Variants in AVPR2 observed in about 807,000 individuals in gnomAD.
The protein encoded by AVPR2 is vasopressin V2 receptor.
AVPR2 carries 3 observed loss-of-function variants against 12.0 expected under a neutral mutation model. The observed-to-expected ratio is 0.25, with a 90% CI of 0.11 to 0.64. AVPR2 has a LOEUF of 0.64. Ranked by LOEUF, AVPR2 falls within the 30% of genes least tolerant of loss-of-function variation. The pLI is 0.84. For missense variants in AVPR2, 279 were observed against 347.9 expected, an observed-to-expected ratio of 0.80 and a Z score of 1.58; for synonymous variants, 143 against 147.5, an observed-to-expected ratio of 0.97 and a Z score of 0.22.
At chrX:153,903,983 A>T (rs73640839), upstream of AVPR2, among the ~76,000 whole-genome samples, 928 of 110,331 alleles carry the variant, frequency 8.4e-3, 10 homozygotes, top group African/African-American at 0.03. Flanking sequence ...AGGTGCGTCC[A>T]TACTCATGGT....
chrX:153,904,562 C>T (rs781982808), upstream of AVPR2, among the ~76,000 whole-genome samples: 3 of 110,962 alleles, frequency 2.7e-5, no homozygotes, highest in Non-Finnish European at 5.7e-5. Flanking sequence ...AGGAGGGAGT[C>T]CTGGGCCGGG....
chrX:153,904,138 G>C (rs1258837341), upstream of AVPR2, among the ~76,000 whole-genome samples: 1 of 112,495 alleles, frequency 8.9e-6, no homozygotes, highest in Admixed American at 9.3e-5. Flanking sequence ...GTTGCAGGTG[G>C]GGCAGGAGGA....
upstream of AVPR2, among the ~76,000 whole-genome samples, chrX:153,904,340 A>G (rs2064948962): frequency 8.9e-6 from 1 of 112,716 alleles, no homozygotes; most frequent in Non-Finnish European, 1.9e-5. Context: ...CCCAGCGAGG[A>G]GCAGGAGGAC....
rs1002078817 is a variant in AVPR2, at chrX:153,906,879, C to T, written c.*151C>T. On this transcript the variant is annotated 3_prime_UTR_variant, in exon 4 of 4. Transcript: ENST00000646375. ...GGACACTGTGTGGCCCTGGACAAGC[C>T]ACAGCCCCTGCCTGGGTCTCCACAT... 1.6e-6 allele frequency: 1 copy of T among 619,785 alleles called. No homozygotes were observed. The highest frequency in any genetic ancestry group is 2.2e-5 in the African/African-American group (1 of 45,101). 51.1% of individuals were successfully genotyped at this position (619,785 alleles called of 1,213,427 possible). A position where few individuals can be genotyped will look rare whatever the true frequency, so the allele number is the denominator to read the frequency against.
intron 2 of AVPR2, 122 bp downstream of exon 2, chrX:153,905,292 G>A: frequency 3.8e-6 from 4 of 1,053,438 alleles, no homozygotes; most frequent in Middle Eastern, 2.7e-4. Flanking sequence ...CTGCCAATGA[G>A]TGGGGAGGGG....
intron 2 of AVPR2, 76 bp from the exon 3 acceptor site, chrX:153,905,456 G>A: frequency 9.5e-7 from 1 of 1,051,918 alleles, no homozygotes; most frequent in Non-Finnish European, 1.3e-6. Context: ...TGTCCGGATG[G>A]GGGCACGGGA....
chrX:153,905,266 GGT>G, intron 2 of AVPR2, 96 bp downstream of exon 2: 4 of 1,136,288 alleles, frequency 3.5e-6, no homozygotes, highest in Non-Finnish European at 4.8e-6. Flanking sequence ...CTCACCTCTG[GGT>G]GTGTCTCTCC....
upstream of AVPR2, among the ~76,000 whole-genome samples, chrX:153,903,104 C>G (rs1160280788): frequency 8.9e-6 from 1 of 112,752 alleles, no homozygotes; most frequent in Non-Finnish European, 1.9e-5. Context: ...GGGGCTGGAG[C>G]CTTGCTTTCC....
At chrX:153,903,644 T>A (rs909192089), upstream of AVPR2, among the ~76,000 whole-genome samples, 1 of 111,381 alleles carries the variant, frequency 9.0e-6, no homozygotes, top group Admixed American at 9.5e-5. Flanking sequence ...CACCCTGTGT[T>A]CCCACCACCC....
At chrX:153,904,913 G>C (rs2148513690) in intron 1 of AVPR2, 61 bp from the exon 2 acceptor site, 1 of 481,788 alleles carries the variant, frequency 2.1e-6, no homozygotes, top group East Asian at 3.7e-5. Context: ...GGGCTGCCTG[G>C]GGGATCCTGG....
chrX:153,905,310 C>T (rs2148513915), intron 2 of AVPR2, 140 bp downstream of exon 2: 5 of 978,570 alleles, frequency 5.1e-6, no homozygotes, highest in Non-Finnish European at 7.2e-6. Context: ...GGGAGCACAG[C>T]CCCACTTCCC....
At position 153,906,114 on chromosome X, in the gene AVPR2, G is replaced by A. The variant is rs782128197; in HGVS notation, c.608G>A (p.Arg203His). ...WACFAEPWGR[R>H]TYVTWIALMV... ...TGCTTTGCGGAGCCCTGGGGCCGTC[G>A]CACCTATGTCACCTGGATTGCCCTG... The change falls in exon 3 of 4, where the codon CGC becomes CAC. Residue 203 changes from arginine (R) to histidine (H), a missense_variant. Arg to His is a conservative substitution (Grantham distance 29). Transcript: ENST00000646375. The A allele has an allele frequency of 5.0e-6, 6 of 1,211,185 alleles. No homozygotes were observed. Among genetic ancestry groups the A allele is most frequent in the East Asian group, 3.0e-5 (1 of 33,802 alleles).
Position 153,906,790 on chromosome X carries a change from G to A in AVPR2, c.*62G>A. On this transcript the variant is annotated 3_prime_UTR_variant, in exon 4 of 4. Coordinates refer to ENST00000646375, the MANE Select transcript of AVPR2 (RefSeq NM_000054.7). ...AAGCTCAGCTGCCTTCCTGGGGCTG[G>A]TCCTGGGAGCCACTGGGAGGGGGAC... is the stretch of plus-strand genomic sequence containing the variant. 1 of 1,088,525 alleles carries A rather than the reference G, an allele frequency of 9.2e-7. No homozygotes were observed. The highest frequency in any genetic ancestry group is 1.3e-6 in the Non-Finnish European group (1 of 797,041). The allele number at this position is 1,088,525 out of a possible 1,213,427, so 89.7% of individuals were successfully genotyped here.
rs782608859 is a variant in AVPR2, at chrX:153,906,195, G to A, written c.689G>A (p.Arg230Gln). The change falls in exon 3 of 4, where the codon CGG becomes CAG. Residue 230 changes from arginine (R) to glutamine (Q), a missense_variant. Transcript: ENST00000646375. ...GCCGCCTGCCAGGTGCTCATCTTCC[G>A]GGAGATTCATGCCAGTCTGGTGCCA... The part of the protein sequence containing the change: ...GIAACQVLIF[R>Q]EIHASLVPGP... 65 of 1,211,127 alleles carry A rather than the reference G, an allele frequency of 5.4e-5. No homozygotes were observed. The highest frequency in any genetic ancestry group is 4.1e-4 in the Admixed American group (19 of 45,970).
At position 153,906,843 on chromosome X, in the gene AVPR2, C is replaced by A; in HGVS notation, c.*115C>A. Reference sequence around the variant, plus strand: ...GTGGAGAATTGGCCAGAGCCTGTGGCCCCGAGGCTGGGACACTGTGTGGCC... The same window carrying A: ...GTGGAGAATTGGCCAGAGCCTGTGGACCCGAGGCTGGGACACTGTGTGGCC... On this transcript the variant is annotated 3_prime_UTR_variant, in exon 4 of 4. Coordinates refer to ENST00000646375, the MANE Select transcript of AVPR2 (RefSeq NM_000054.7). The A allele has an allele frequency of 1.2e-6, 1 of 812,414 alleles. No homozygotes were observed. The highest frequency in any genetic ancestry group is 1.8e-6 in the Non-Finnish European group (1 of 550,566). 67.0% of individuals were successfully genotyped at this position (812,414 alleles called of 1,213,427 possible). A position where few individuals can be genotyped will look rare whatever the true frequency, so the allele number is the denominator to read the frequency against.
At position 153,904,726 on chromosome X, in the gene AVPR2, C is replaced by T. The variant is rs1473061722; in HGVS notation, c.-218C>T. The stretch of plus-strand genomic sequence containing the variant: ...GCCGATGGAGAGCAGATCTGAGCAC[C>T]CAGCCACCTTCACGCCACCGCCCAG... On this transcript the variant is annotated 5_prime_UTR_variant, in exon 1 of 4. Transcript: ENST00000646375. 4 of 262,006 alleles carry T rather than the reference C, an allele frequency of 1.5e-5. No individual in the cohort carries two copies. Among genetic ancestry groups the T allele is most frequent in the Non-Finnish European group, 2.8e-5 (4 of 142,729 alleles). 21.6% of individuals were successfully genotyped at this position (262,006 alleles called of 1,213,427 possible).
At chrX:153,903,455 G>T (rs1021166698), upstream of AVPR2, among the ~76,000 whole-genome samples, 2 of 1,628 alleles carry the variant, frequency 1.2e-3, no homozygotes, top group Admixed American at 0.01. Flanking sequence ...ACATGTGTGG[G>T]TGTGTGGCGT....
rs2064956917 is a variant in AVPR2, at chrX:153,905,547, C to T, written c.41C>T (p.Pro14Leu). The change falls in exon 3 of 4, where the codon CCC (proline) becomes CTC (leucine). Residue 14 changes from proline (P) to leucine (L), a missense_variant. Coordinates refer to ENST00000646375, the MANE Select transcript of AVPR2 (RefSeq NM_000054.7). ...ASTTSAVPGH[P>L]SLPSLPSNSS... ...TCCTTCCCAGCTGTGCCTGGGCATC[C>T]CTCTCTGCCCAGCCTGCCCAGCAAC... 8.4e-7 allele frequency: 1 copy of T among 1,193,995 alleles called. No homozygotes were observed. Among genetic ancestry groups the T allele is most frequent in the Non-Finnish European group, 1.1e-6 (1 of 886,682 alleles).
At chrX:153,903,265 G>A (rs991362484), upstream of AVPR2, among the ~76,000 whole-genome samples, 9 of 113,356 alleles carry the variant, frequency 7.9e-5, no homozygotes, top group East Asian at 2.8e-4. Context: ...ATGTGCATGC[G>A]CTGAGGAGAT....
Sources: gnomAD v4.1 joint callset for allele counts (sites outside exome capture counted in the v4.1 genomes callset) on GRCh38, gnomAD v4.1.1 for gene constraint, MANE v1.5 for transcripts, NCBI Gene and HGNC (gene_info 2026-07-23, HGNC 2026-07-21) for gene names.